The following DISC1 variants were observed in gnomAD, a reference collection of about 807,000 sequenced individuals.
DISC1 encodes disrupted in schizophrenia 1 protein.
A neutral mutation model predicts 84.5 loss-of-function variants in DISC1; 57 were observed. The ratio of observed to expected loss-of-function variants is 0.67; its 90% CI spans 0.55 to 0.84. The LOEUF is 0.84. Ranked by LOEUF, DISC1 falls within the 40% of genes least tolerant of loss-of-function variation. The pLI, the probability that DISC1 is intolerant of heterozygous loss-of-function variation, is 0.00. For missense variants in DISC1, 1,000 were observed against 1,057.8 expected (o/e 0.95, Z 0.76); for synonymous variants, 411 against 415.2 (o/e 0.99, Z 0.12).
At chr1:231,921,122 G>A (rs887484120) in intron 9 of DISC1, among the ~76,000 whole-genome samples, 15 of 151,756 alleles carry the variant, frequency 9.9e-5, no homozygotes, top group Admixed American at 8.5e-4. Context: ...CACCATGTGG[G>A]CCAGGGTAGT....
At chr1:231,823,382 GAC>G (rs1179984618) in intron 9 of DISC1, among the ~76,000 whole-genome samples, 2 of 152,004 alleles carry the variant, frequency 1.3e-5, no homozygotes, top group Non-Finnish European at 2.9e-5. Context: ...TAAAAACAAA[GAC>G]AGAAGAAAAT....
intron 6 of DISC1, among the ~76,000 whole-genome samples, chr1:231,787,820 C>T (rs920761329): frequency 2.6e-5 from 4 of 152,138 alleles, no homozygotes; most frequent in African/African-American, 9.7e-5. Flanking sequence ...TGCCCTTTGC[C>T]CAGGCCTACA....
chr1:231,948,051 G>T (rs141509536), intron 9 of DISC1, among the ~76,000 whole-genome samples: 2 of 152,146 alleles, frequency 1.3e-5, no homozygotes, highest in Non-Finnish European at 2.9e-5. Flanking sequence ...ACAGTGTAGC[G>T]ATTCCTCAAG....
At chr1:231,776,125 T>C (rs772848337) in intron 6 of DISC1, among the ~76,000 whole-genome samples, 7 of 152,162 alleles carry the variant, frequency 4.6e-5, no homozygotes, top group Non-Finnish European at 1.0e-4. Context: ...GTTGGTTTTA[T>C]GTGTCTGGAA....
intron 3 of DISC1, among the ~76,000 whole-genome samples, chr1:231,749,158 C>T (rs190037949): frequency 2.1e-4 from 32 of 152,310 alleles, no homozygotes; most frequent in African/African-American, 4.8e-4. Context: ...ACTCCCCCAC[C>T]GTACTCCAGC....
At position 231,839,548 on chromosome 1, in the gene DISC1, G is replaced by A. The variant is rs561854667; in HGVS notation, c.1981+21031G>A. Among the ~76,000 whole-genome samples the A allele has an allele frequency of 5.1e-4, 78 of 152,302 alleles. 1 individual carries two copies. The South Asian group carries it at 6.6e-3, about 13-fold the overall frequency. ...CTTTTCACCAGGCTGGGGTTTTCAA[G>A]ATTTCTGAAAGGTCGTGGCTAGCCA... On this transcript the variant is annotated intron_variant, in intron 9 of 12. Coordinates refer to ENST00000439617, the MANE Select transcript of DISC1 (RefSeq NM_018662.3).
rs980209479 is a variant in DISC1, at chr1:231,954,006, C to T, written c.1982-4822C>T. On this transcript the variant is annotated intron_variant, in intron 9 of 12. Coordinates refer to ENST00000439617, the MANE Select transcript of DISC1 (RefSeq NM_018662.3). The surrounding 1 kb of genome is among the most constrained non-coding windows in gnomAD (Gnocchi z 4.8). ...ATGCAAGGGATACAATTCATTGAAA[C>T]CTCGTTGGACTTCCTCCCACTTAAC... 6.6e-6 allele frequency among the ~76,000 whole-genome samples: 1 copy of T among 152,208 alleles called. No homozygotes were observed. Among genetic ancestry groups the T allele is most frequent in the African/African-American group, 2.4e-5 (1 of 41,444 alleles).
intron 9 of DISC1, among the ~76,000 whole-genome samples, chr1:231,906,310 C>A (rs1215409903): frequency 6.6e-6 from 1 of 152,186 alleles, no homozygotes; most frequent in Non-Finnish European, 1.5e-5. Flanking sequence ...GCATGAGTCA[C>A]CATGCCCGGT....
intron 9 of DISC1, among the ~76,000 whole-genome samples, chr1:231,871,216 A>G (rs1483404072): frequency 1.3e-5 from 2 of 152,160 alleles, no homozygotes; most frequent in Non-Finnish European, 2.9e-5. Context: ...TAGGCTACAA[A>G]TGCATATATA....
chr1:231,663,084 CT>C (rs2061695303), intron 1 of DISC1, among the ~76,000 whole-genome samples: 1 of 152,148 alleles, frequency 6.6e-6, no homozygotes, highest in South Asian at 2.1e-4. Context: ...TAACTGCATG[CT>C]ATGAGAGACC....
rs1460212281 is a variant in DISC1 at position 232,038,729 on chromosome 1, G to C, written c.*1898G>C. 6.6e-6 allele frequency: 1 copy of C among 152,074 alleles called. No homozygotes were observed. Among genetic ancestry groups the C allele is most frequent in the Non-Finnish European group, 1.5e-5 (1 of 68,014 alleles). 9.4% of individuals were successfully genotyped at this position (152,074 alleles called of 1,614,324 possible). On this transcript the variant is annotated 3_prime_UTR_variant, in exon 13 of 13. Coordinates refer to ENST00000439617, the MANE Select transcript of DISC1 (RefSeq NM_018662.3). ...AGAGTGTTGAGCTTAATAACTACCT[G>C]CCACAGATTGGTAAATTTAATCCAG...
rs1277809949 is a variant in DISC1 at position 232,031,752 on chromosome 1, G to A, written c.2426-4940G>A. 1.3e-5 allele frequency among the ~76,000 whole-genome samples: 2 copies of A among 152,132 alleles called. No individual in the cohort carries two copies. Among genetic ancestry groups the A allele is most frequent in the African/African-American group, 4.8e-5 (2 of 41,440 alleles). Reference sequence around the variant, plus strand: ...ACGAGGTGGGCTTGGCACAAGGTAGGCAACACAGAGTTTCTGTGTACAAGC... The same window carrying A: ...ACGAGGTGGGCTTGGCACAAGGTAGACAACACAGAGTTTCTGTGTACAAGC... On this transcript the variant is annotated intron_variant, in intron 12 of 12. Transcript: ENST00000439617. The surrounding 1 kb of genome is among the most constrained non-coding windows in gnomAD (Gnocchi z 4.6).
intron 10 of DISC1, among the ~76,000 whole-genome samples, chr1:231,988,401 C>G (rs1202111225): frequency 6.6e-6 from 1 of 152,172 alleles, no homozygotes; most frequent in African/African-American, 2.4e-5. Flanking sequence ...CTACTATGAT[C>G]TGAATGTTTA....
At chr1:231,920,692 C>T (rs371509293) in intron 9 of DISC1, among the ~76,000 whole-genome samples, 4 of 152,154 alleles carry the variant, frequency 2.6e-5, no homozygotes, top group Admixed American at 6.5e-5. Flanking sequence ...GGTTGCTTCC[C>T]GCATTTGGCT....
chr1:231,839,949 C>T (rs554035348), intron 9 of DISC1, among the ~76,000 whole-genome samples: 2 of 152,252 alleles, frequency 1.3e-5, no homozygotes, highest in South Asian at 4.2e-4. Context: ...ATGACACCAG[C>T]ACCTCCCACA....
chr1:232,024,773 T>TG (rs201509579), intron 11 of DISC1, among the ~76,000 whole-genome samples: 17,091 of 151,610 alleles, frequency 0.11, 1,599 homozygotes, highest in East Asian at 0.43. Flanking sequence ...TTGTATTTTT[T>TG]TAGAGAGGGG....
intron 10 of DISC1, among the ~76,000 whole-genome samples, chr1:231,999,849 A>AACAAC (rs1666441236): frequency 7.4e-6 from 1 of 135,522 alleles, no homozygotes; most frequent in Non-Finnish European, 1.6e-5. Flanking sequence ...ACAACAACAA[A>AACAAC]ACAACCAACT....
intron 3 of DISC1, among the ~76,000 whole-genome samples, chr1:231,743,183 T>C (rs2073535534): frequency 6.6e-6 from 1 of 152,200 alleles, no homozygotes; most frequent in African/African-American, 2.4e-5. Context: ...TTTTTTGGAA[T>C]TTGAAGACAG....
In DISC1 at chr1:231,904,645, T is replaced by C. The variant is rs558023957; in HGVS notation, c.1982-54183T>C. ...CCCAGCTTTGCCCACTGAGAGAGTC[T>C]GGGAGCAATGACATCCCAAGAACAA... On this transcript the variant is annotated intron_variant, in intron 9 of 12. Transcript: ENST00000439617. 2.6e-5 allele frequency among the ~76,000 whole-genome samples: 4 copies of C among 152,000 alleles called. No individual in the cohort carries two copies. In the South Asian group the frequency reaches 6.3e-4, roughly 24 times the overall value.
Sources: allele counts gnomAD v4.1 joint callset (sites outside exome capture counted in the v4.1 genomes callset), GRCh38; gene constraint gnomAD v4.1.1; non-coding constraint Gnocchi (gnomAD v3.1); transcripts MANE v1.5; gene names NCBI Gene and HGNC (gene_info 2026-07-23, HGNC 2026-07-21).